The following MALRD1 variants were observed in gnomAD, a reference collection of about 807,000 sequenced individuals.
MALRD1 encodes the protein MAM and LDL receptor class A domain containing 1.
Under a neutral mutation model 242.1 loss-of-function variants are expected in MALRD1, and 247 were observed. The observed-to-expected ratio is 1.02, with a 90% CI of 0.92 to 1.13. The LOEUF (loss-of-function observed/expected upper bound fraction) is 1.13. Ranked by LOEUF, MALRD1 falls within the 50% of genes most tolerant of loss-of-function variation. The pLI, the probability that MALRD1 is intolerant of heterozygous loss-of-function variation, is 0.00. For missense variants in MALRD1, 2,989 were observed against 2,533.1 expected, an observed-to-expected ratio of 1.18 and a Z score of -3.86; for synonymous variants, 995 against 866.6, an observed-to-expected ratio of 1.15 and a Z score of -2.60.
intron 26 of MALRD1, among the ~76,000 whole-genome samples, chr10:19,371,563 G>A (rs549744424): frequency 3.1e-4 from 47 of 151,678 alleles, no homozygotes; most frequent in Admixed American, 2.8e-3. Context: ...TCAAATCTTG[G>A]CCCAGGCCTA....
At chr10:19,252,563 G>T (rs1482698812) in intron 18 of MALRD1, among the ~76,000 whole-genome samples, 3 of 151,850 alleles carry the variant, frequency 2.0e-5, no homozygotes, top group South Asian at 4.2e-4. Flanking sequence ...AAACAGATTT[G>T]GTAGACATCA....
intron 32 of MALRD1, among the ~76,000 whole-genome samples, chr10:19,541,120 C>A (rs1834949836): frequency 6.6e-6 from 1 of 152,132 alleles, no homozygotes; most frequent in Admixed American, 6.5e-5. Context: ...GTGGCACTAT[C>A]AGTATTCTGT....
At chr10:19,077,226 C>G (rs1835345406) in intron 2 of MALRD1, among the ~76,000 whole-genome samples, 2 of 151,906 alleles carry the variant, frequency 1.3e-5, no homozygotes, top group Admixed American at 6.6e-5. Context: ...CCATTATACT[C>G]TCATCTAAGG....
intron 18 of MALRD1, among the ~76,000 whole-genome samples, chr10:19,210,357 T>A (rs929560682): frequency 1.3e-5 from 2 of 152,192 alleles, no homozygotes; most frequent in Admixed American, 6.5e-5. Flanking sequence ...GAAAAAAGCT[T>A]GGAGTGCTGA....
At chr10:19,366,547 C>T (rs1845120238) in intron 26 of MALRD1, among the ~76,000 whole-genome samples, 2 of 152,144 alleles carry the variant, frequency 1.3e-5, no homozygotes, top group Admixed American at 6.6e-5. Context: ...GCATGTCTGA[C>T]TCCTTTATCT....
intron 28 of MALRD1, among the ~76,000 whole-genome samples, chr10:19,401,747 A>C (rs1247302465): frequency 6.6e-6 from 1 of 152,164 alleles, no homozygotes; most frequent in Non-Finnish European, 1.5e-5. Flanking sequence ...GCATTAACAC[A>C]ACAGTCAGTG....
chr10:19,728,332 G>C (rs1010390935), intron 38 of MALRD1: 1 of 152,112 alleles, frequency 6.6e-6, no homozygotes, highest in African/African-American at 2.4e-5. Flanking sequence ...AATTATTTCA[G>C]ACTTAAAACC....
intron 12 of MALRD1, among the ~76,000 whole-genome samples, chr10:19,157,797 C>G (rs1247981372): frequency 1.3e-5 from 2 of 152,004 alleles, no homozygotes; most frequent in Non-Finnish European, 2.9e-5. Context: ...TCCTAGCAGA[C>G]TAATACAGTT....
intron 12 of MALRD1, among the ~76,000 whole-genome samples, chr10:19,165,356 A>G (rs58100627): frequency 0.19 from 28,541 of 149,342 alleles, 3,027 homozygotes; most frequent in Admixed American, 0.27. Flanking sequence ...GCTGGAGTGC[A>G]ATGGCGTGAT....
intron 14 of MALRD1, among the ~76,000 whole-genome samples, chr10:19,202,419 T>C (rs1033950890): frequency 2.0e-5 from 3 of 152,170 alleles, no homozygotes; most frequent in African/African-American, 7.2e-5. Flanking sequence ...CCTCACATTC[T>C]TCTCCCTGTA....
chr10:19,102,285 A>G (rs1836294129), intron 4 of MALRD1, among the ~76,000 whole-genome samples: 1 of 151,922 alleles, frequency 6.6e-6, no homozygotes, highest in Non-Finnish European at 1.5e-5. Flanking sequence ...GTATAAAACT[A>G]TCTCTACACA....
intron 30 of MALRD1, among the ~76,000 whole-genome samples, chr10:19,495,642 G>A (rs78039452): frequency 6.6e-6 from 1 of 152,094 alleles, no homozygotes; most frequent in African/African-American, 2.4e-5. Context: ...ACACAGACCA[G>A]TGACACTGTA....
chr10:19,237,697 C>T (rs1238987806), intron 18 of MALRD1, among the ~76,000 whole-genome samples: 25 of 106,926 alleles, frequency 2.3e-4, no homozygotes, highest in East Asian at 1.2e-3. Flanking sequence ...TATATAAATA[C>T]ATAATTATAT....
chr10:19,679,539 C>A (rs145769704), intron 36 of MALRD1, among the ~76,000 whole-genome samples: 2,636 of 149,504 alleles, frequency 0.018, 49 homozygotes, highest in Non-Finnish European at 0.028. Context: ...CTATTTAATT[C>A]TTCTCTCTTT....
At chr10:19,172,172 CATACAT>C (rs1375665449) in intron 13 of MALRD1, among the ~76,000 whole-genome samples, 1 of 144,536 alleles carries the variant, frequency 6.9e-6, no homozygotes, top group Non-Finnish European at 1.5e-5. Flanking sequence ...CATATATACA[CATACAT>C]ATATATACAT....
At chr10:19,061,522 C>G (rs11008324) in intron 1 of MALRD1, among the ~76,000 whole-genome samples, 28,131 of 151,966 alleles carry the variant, frequency 0.19, 2,659 homozygotes, top group Middle Eastern at 0.27. Context: ...AGTAAGAGGT[C>G]TAACACTTCC....
chr10:19,670,973 GGT>G (rs1423546246), intron 36 of MALRD1, among the ~76,000 whole-genome samples: 1 of 151,640 alleles, frequency 6.6e-6, no homozygotes, highest in African/African-American at 2.4e-5. Context: ...CCGCCTCCCG[GGT>G]TCACGCCATT....
rs77438822 is a variant in MALRD1 at position 19,222,022 on chromosome 10, T to C, written c.2991+12342T>C. ...ACATAAATGCTTTCAATTCAGTTTG[T>C]CTCTGAATCCTTCTCAGTCCGTGGC... On this transcript the variant is annotated intron_variant, in intron 18 of 39. Coordinates refer to ENST00000454679, the MANE Select transcript of MALRD1 (RefSeq NM_001142308.3). Among the ~76,000 whole-genome samples the C allele has an allele frequency of 9.6e-3, 1,457 of 152,266 alleles. 10 individuals carry two copies. Among genetic ancestry groups the C allele is most frequent in the Admixed American group, 0.019 (294 of 15,290 alleles).
rs557739218 is a variant in MALRD1 at position 19,429,637 on chromosome 10, G to A, written c.4846-20670G>A. Among the ~76,000 whole-genome samples the A allele has an allele frequency of 7.2e-5, 11 of 152,094 alleles. 1 individual carries two copies. The highest frequency in any genetic ancestry group is 5.8e-4 in the East Asian group (3 of 5,152). On this transcript the variant is annotated intron_variant, in intron 28 of 39. Transcript: ENST00000454679. The stretch of plus-strand genomic sequence containing the variant: ...GTGTCCAGTTGCTGCTAAGCCTGTG[G>A]GTATTTTTGATACCTGCTATAGCCC...
Sources: gnomAD v4.1 joint callset for allele counts (sites outside exome capture counted in the v4.1 genomes callset) on GRCh38, gnomAD v4.1.1 for gene constraint, MANE v1.5 for transcripts, NCBI Gene and HGNC (gene_info 2026-07-23, HGNC 2026-07-21) for gene names.